The following TSC22D1 variants were observed in gnomAD, a reference collection of about 807,000 sequenced individuals.
TSC22D1 encodes TSC22 domain family member 1.
In TSC22D1, 9 loss-of-function variants were observed where a neutral mutation model predicts 74.2. The ratio of observed to expected loss-of-function variants is 0.12; its 90% confidence interval spans 0.07 to 0.21. The LOEUF (loss-of-function observed/expected upper bound fraction) is 0.21, where lower values mean the gene tolerates loss of function less well. Among genes scored for constraint, TSC22D1 ranks in the 10% least tolerant of loss-of-function variants. The pLI, the probability that TSC22D1 is intolerant of heterozygous loss-of-function variation, is 1.00. For synonymous variants in TSC22D1, 586 were observed against 492.5 expected (o/e 1.19, Z -2.51); for missense variants, 1,427 against 1,304.7 (o/e 1.09, Z -1.44).
rs1420683315 is a variant in TSC22D1 at position 44,436,271 on chromosome 13, C to CA, written c.2913-177dup. 8.0e-6 allele frequency: 7 copies of CA among 870,758 alleles called. No homozygotes were observed. The Admixed American group carries it at 2.0e-4, about 25-fold the overall frequency. 53.9% of individuals were successfully genotyped at this position (870,758 alleles called of 1,614,324 possible). A position where few individuals can be genotyped will look rare whatever the true frequency, so the allele number is the denominator to read the frequency against. On this transcript the variant is annotated intron_variant, in intron 1 of 2. Coordinates refer to ENST00000458659, the MANE Select transcript of TSC22D1 (RefSeq NM_183422.4). ...AGCCCCTCTCTTACTAACGAATATC[C>CA]AGGCATCTCCCTATTTTAGTAAGCC...
rs550171407 is a variant in TSC22D1 at position 44,471,949 on chromosome 13, C to T, written c.2913-35854G>A. On this transcript the variant is annotated intron_variant, in intron 1 of 2. Transcript: ENST00000458659. The stretch of plus-strand genomic sequence containing the variant: ...AGATCCACATTGTATACACTACTTG[C>T]CCATTAGTCACCCAGTAACTGTCTC... 3.9e-5 allele frequency among the ~76,000 whole-genome samples: 6 copies of T among 152,292 alleles called. No individual in the cohort carries two copies. In the South Asian group the frequency reaches 1.2e-3, roughly 32 times the overall value.
At chr13:44,449,192 G>A (rs921417072) in intron 1 of TSC22D1, among the ~76,000 whole-genome samples, 30 of 152,140 alleles carry the variant, frequency 2.0e-4, no homozygotes, top group African/African-American at 7.2e-4. Flanking sequence ...GGCTGACAGG[G>A]GCACTCAGAT....
intron 1 of TSC22D1, among the ~76,000 whole-genome samples, chr13:44,532,414 T>C (rs931424196): frequency 6.6e-6 from 1 of 152,180 alleles, no homozygotes; most frequent in African/African-American, 2.4e-5. Context: ...AGAGCACATC[T>C]GTAATGTGCT....
At chr13:44,531,913 TTGATA>T (rs1352761381) in intron 1 of TSC22D1, among the ~76,000 whole-genome samples, 1 of 152,212 alleles carries the variant, frequency 6.6e-6, no homozygotes, top group Non-Finnish European at 1.5e-5. Flanking sequence ...CTTCTGCTAT[TTGATA>T]TATGTCCTAC....
At position 44,575,429 on chromosome 13, in the gene TSC22D1, G is replaced by C. The variant is rs1884151240; in HGVS notation, c.646C>G (p.His216Asp). 6.2e-7 allele frequency: 1 copy of C among 1,614,020 alleles called. No individual in the cohort carries two copies. The highest frequency in any genetic ancestry group is 8.5e-7 in the Non-Finnish European group (1 of 1,179,950). Residue 216 changes from histidine (H) to aspartate (D), a missense_variant, in exon 1 of 3, where the codon CAT (histidine) becomes GAT (aspartate). By Grantham distance (81) the His-to-Asp change is moderately conservative (BLOSUM62 -1). Coordinates refer to ENST00000458659, the MANE Select transcript of TSC22D1 (RefSeq NM_183422.4). Reference sequence around the variant, plus strand: ...TGGTGGTGATGGAGGTGGTGTGGATGAGCATTCCCATTGATCACAACATTC... The same window carrying C: ...TGGTGGTGATGGAGGTGGTGTGGATCAGCATTCCCATTGATCACAACATTC... ...QQNVVINGNAHPHHLHHHHQI... is the reference protein window; with the variant it reads ...QQNVVINGNADPHHLHHHHQI...
intron 2 of TSC22D1, chr13:44,435,833 A>C (rs1024073361): frequency 3.8e-5 from 23 of 601,184 alleles, no homozygotes; most frequent in East Asian, 1.7e-4. Flanking sequence ...CCGGGGAAGA[A>C]GACCATTTAA....
chr13:44,542,197 T>C (rs573317392), intron 1 of TSC22D1, among the ~76,000 whole-genome samples: 1 of 152,104 alleles, frequency 6.6e-6, no homozygotes, highest in Non-Finnish European at 1.5e-5. Flanking sequence ...AGTTCTTGAA[T>C]ACTAATCCAT....
At chr13:44,453,479 T>C (rs1876323304) in intron 1 of TSC22D1, among the ~76,000 whole-genome samples, 2 of 152,258 alleles carry the variant, frequency 1.3e-5, no homozygotes, top group African/African-American at 2.4e-5. Flanking sequence ...TAACTGTTTA[T>C]ATCTTTATAT....
At chr13:44,571,706 C>T (rs968969540) in intron 1 of TSC22D1, among the ~76,000 whole-genome samples, 11 of 151,980 alleles carry the variant, frequency 7.2e-5, no homozygotes, top group African/African-American at 2.7e-4. Flanking sequence ...AAAGGTTTAA[C>T]AATAATAATG....
At chr13:44,479,545 C>T (rs912317165) in intron 1 of TSC22D1, among the ~76,000 whole-genome samples, 118 of 152,062 alleles carry the variant, frequency 7.8e-4, no homozygotes, top group Non-Finnish European at 1.6e-4. Flanking sequence ...TCGTATAATC[C>T]TTAAAACTTA....
intron 1 of TSC22D1, among the ~76,000 whole-genome samples, chr13:44,549,151 T>C (rs1840547923): frequency 6.6e-6 from 1 of 152,188 alleles, no homozygotes; most frequent in Non-Finnish European, 1.5e-5. Flanking sequence ...ATATATCTAT[T>C]CAAGTTCCTC....
intron 1 of TSC22D1, among the ~76,000 whole-genome samples, chr13:44,567,252 A>C (rs1472278791): frequency 2.6e-5 from 4 of 152,196 alleles, no homozygotes; most frequent in African/African-American, 9.7e-5. Flanking sequence ...TCTTATAGGG[A>C]TCTAACCAGC....
At chr13:44,452,758 T>G (rs933332571) in intron 1 of TSC22D1, 3 of 152,510 alleles carry the variant, frequency 2.0e-5, no homozygotes, top group African/African-American at 7.2e-5. Flanking sequence ...AGATCAACCC[T>G]GCCTACGTGG....
rs1245102467 is a variant in TSC22D1, at chr13:44,476,333, ACAGAAT to A, written c.2913-40244_2913-40239del. 5.3e-5 allele frequency among the ~76,000 whole-genome samples: 8 copies of A among 152,298 alleles called. No individual in the cohort carries two copies. The East Asian group carries it at 9.6e-4, about 18-fold the overall frequency. ...AAAAATACATTATGTTTATTATAAA[ACAGAAT>A]CATTAATACTGTATCAGTCAACAAT... On this transcript the variant is annotated intron_variant, in intron 1 of 2. Transcript: ENST00000458659.
chr13:44,548,971 C>T (rs1882014627), intron 1 of TSC22D1, among the ~76,000 whole-genome samples: 1 of 152,032 alleles, frequency 6.6e-6, no homozygotes, highest in Non-Finnish European at 1.5e-5. Context: ...TTGTTATAAG[C>T]ATGATTAAAA....
intron 1 of TSC22D1, among the ~76,000 whole-genome samples, chr13:44,495,406 T>C (rs1477820698): frequency 1.3e-5 from 2 of 151,814 alleles, no homozygotes; most frequent in Admixed American, 6.6e-5. Context: ...CTACAAGTGA[T>C]GCTAAAGAAG....
intron 1 of TSC22D1, among the ~76,000 whole-genome samples, chr13:44,441,141 G>A (rs1470429429): frequency 6.6e-6 from 1 of 152,212 alleles, no homozygotes; most frequent in Non-Finnish European, 1.5e-5. Flanking sequence ...GGAATCAGCA[G>A]GCTGGAGTGC....
chr13:44,567,507 A>G (rs918187286), intron 1 of TSC22D1, among the ~76,000 whole-genome samples: 4 of 152,022 alleles, frequency 2.6e-5, no homozygotes, highest in Non-Finnish European at 5.9e-5. Context: ...TAGAAAGAAA[A>G]AAAAAACTTT....
chr13:44,491,764 A>G (rs1050741200), intron 1 of TSC22D1, among the ~76,000 whole-genome samples: 3 of 152,220 alleles, frequency 2.0e-5, no homozygotes, highest in Non-Finnish European at 4.4e-5. Context: ...TATATCAGCA[A>G]AATTGAAGCA....
Sources: gnomAD v4.1 joint callset for allele counts (sites outside exome capture counted in the v4.1 genomes callset) on GRCh38, gnomAD v4.1.1 for gene constraint, MANE v1.5 for transcripts, NCBI Gene and HGNC (gene_info 2026-07-23, HGNC 2026-07-21) for gene names.